P4HB: variants seen among roughly 807,000 people sequenced by gnomAD.
P4HB encodes the protein prolyl 4-hydroxylase subunit beta, also known as protein disulfide-isomerase.
In P4HB, 20 loss-of-function variants were observed where a neutral mutation model predicts 52.6. The observed-to-expected ratio is 0.38, with a 90% CI of 0.27 to 0.55. The LOEUF (loss-of-function observed/expected upper bound fraction) is 0.55. Among genes scored for constraint, P4HB ranks in the 20% least tolerant of loss-of-function variants. The probability of loss-of-function intolerance (pLI) is 0.74; values close to 1 mark genes in which losing one functional copy is unlikely to be tolerated. For synonymous variants in P4HB, 296 were observed against 277.9 expected (o/e 1.07, Z -0.65); for missense variants, 601 against 669.2 (o/e 0.90, Z 1.12).
rs2038752136 is a variant in P4HB, at chr17:81,847,308, T to C, written c.664A>G (p.Lys222Glu). 5.0e-6 allele frequency: 8 copies of C among 1,614,068 alleles called. No homozygotes were observed. In the Admixed American group the frequency reaches 1.3e-4, roughly 27 times the overall value. The change falls in exon 5 of 11, where the codon AAG becomes GAG. Residue 222 changes from lysine (K) to glutamate (E), a missense_variant. Coordinates refer to ENST00000331483, the MANE Select transcript of P4HB (RefSeq NM_000918.4). The part of the protein sequence containing the change: ...GRNNFEGEVT[K>E]ENLLDFIKHN... The stretch of plus-strand genomic sequence containing the variant: ...TTGATAAAGTCCAGCAGGTTCTCCT[T>C]GGTGACCTCCCCTTCAAAGTTGTTC...
In P4HB at chr17:81,860,411, C is replaced by CG; in HGVS notation, c.60dup (p.Glu21ArgfsTer42). 1 of 1,437,254 alleles carries CG rather than the reference C, an allele frequency of 7.0e-7. No homozygotes were observed. Among genetic ancestry groups the CG allele is most frequent in the Non-Finnish European group, 9.2e-7 (1 of 1,092,410 alleles). The allele number at this position is 1,437,254 out of a possible 1,614,324, so 89.0% of individuals were successfully genotyped here. On this transcript the variant is annotated frameshift_variant, in exon 1 of 11. Transcript: ENST00000331483. LOFTEE classifies it high-confidence loss of function. The stretch of plus-strand genomic sequence containing the variant: ...AGCACCAGGACGTGGTCCTCCTCCT[C>CG]GGGGGCGTCGGCGCGCACCAGGGCG...
Position 81,843,864 on chromosome 17 carries a change from G to T in P4HB, c.*148C>A. The T allele has an allele frequency of 1.4e-6, 1 of 700,410 alleles. No homozygotes were observed. Among genetic ancestry groups the T allele is most frequent in the Non-Finnish European group, 2.6e-6 (1 of 386,200 alleles). 43.4% of individuals were successfully genotyped at this position (700,410 alleles called of 1,614,324 possible). ...AGAGACGGGGGTGAACGGACGGTGTGTAGGGGTGAGGTGTCACTTCAGAGA... is the reference window on the plus strand; with the variant it reads ...AGAGACGGGGGTGAACGGACGGTGTTTAGGGGTGAGGTGTCACTTCAGAGA... On this transcript the variant is annotated 3_prime_UTR_variant, in exon 11 of 11. Transcript: ENST00000331483.
In P4HB at chr17:81,855,559, T is replaced by C. The variant is rs1421847347; in HGVS notation, c.380A>G (p.Asn127Ser). ...CGGGCCCGTGCGCTTCTTCAGCCAGTTCACGATGTCATCAGCCTCTCTGCC... is the reference window on the plus strand; with the variant it reads ...CGGGCCCGTGCGCTTCTTCAGCCAGCTCACGATGTCATCAGCCTCTCTGCC... ...TAGREADDIV[N>S]WLKKRTGPAA... The change falls in exon 3 of 11, where the codon AAC becomes AGC. Residue 127 changes from asparagine (N) to serine (S), a missense_variant. Physicochemically the swap from Asn to Ser is conservative, Grantham distance 46. Transcript: ENST00000331483. The surrounding 1 kb of genome is among the most constrained non-coding windows in gnomAD (Gnocchi z 4.3). 1 of 1,613,830 alleles carries C rather than the reference T, an allele frequency of 6.2e-7. No homozygotes were observed. The highest frequency in any genetic ancestry group is 8.5e-7 in the Non-Finnish European group (1 of 1,180,004).
At chr17:81,852,745 G>A (rs1478306739) in intron 4 of P4HB, among the ~76,000 whole-genome samples, 6 of 152,256 alleles carry the variant, frequency 3.9e-5, no homozygotes, top group Non-Finnish European at 8.8e-5. Context: ...TTGCAGGCAA[G>A]AGCAACGAAA....
At chr17:81,847,422 G>A (rs953571872) in intron 4 of P4HB, 75 bp from the exon 5 acceptor site, 19 of 1,300,014 alleles carry the variant, frequency 1.5e-5, no homozygotes, top group East Asian at 1.4e-4. Context: ...CTCCCTGGAC[G>A]TGGGAAGTCA....
intron 4 of P4HB, among the ~76,000 whole-genome samples, chr17:81,850,102 A>T (rs371748766): frequency 6.6e-5 from 10 of 151,516 alleles, no homozygotes; most frequent in Non-Finnish European, 1.5e-5. Flanking sequence ...TGCTGGGATT[A>T]TAAGTGTGAG....
In P4HB at chr17:81,852,612, G is replaced by A. The variant is rs542731752; in HGVS notation, c.624+2530C>T. On this transcript the variant is annotated intron_variant, in intron 4 of 10. Transcript: ENST00000331483. ...AGCCACCTTCAGTGGGCAGGAAAGC[G>A]CCACCCACCAACTGGCATCAAACCC... is the stretch of plus-strand genomic sequence containing the variant. 1.5e-4 allele frequency among the ~76,000 whole-genome samples: 23 copies of A among 152,360 alleles called. No homozygotes were observed. The East Asian group carries it at 4.4e-3, about 29-fold the overall frequency.
chr17:81,854,109 G>A (rs1468888366), intron 4 of P4HB, among the ~76,000 whole-genome samples: 1 of 152,244 alleles, frequency 6.6e-6, no homozygotes, highest in Non-Finnish European at 1.5e-5. Context: ...CCTTGGGGCT[G>A]AGGGGCATAC....
chr17:81,850,222 TC>T (rs1159523279), intron 4 of P4HB, among the ~76,000 whole-genome samples: 1 of 151,484 alleles, frequency 6.6e-6, no homozygotes, highest in Non-Finnish European at 1.5e-5. Context: ...AACCTCTGCC[TC>T]CCGGGTTAAA....
chr17:81,848,531 T>A (rs1019597542), intron 4 of P4HB, among the ~76,000 whole-genome samples: 1 of 151,132 alleles, frequency 6.6e-6, no homozygotes, highest in Non-Finnish European at 1.5e-5. Flanking sequence ...AGACCAGGAG[T>A]TCGAGACCAG....
intron 8 of P4HB, 52 bp downstream of exon 8, chr17:81,845,819 T>C (rs751705426): frequency 7.6e-5 from 123 of 1,613,726 alleles, no homozygotes; most frequent in Non-Finnish European, 1.0e-4. Flanking sequence ...TCTGCCTACC[T>C]TGCGCGTGCC....
intron 1 of P4HB, chr17:81,860,109 C>G (rs950622335): frequency 2.5e-6 from 1 of 404,098 alleles, no homozygotes; most frequent in Non-Finnish European, 4.4e-6. Flanking sequence ...AAGATCCTGC[C>G]GTGCGCAGGG....
At chr17:81,845,531 G>A (rs200297820) in intron 9 of P4HB, 30 bp downstream of exon 9, 37 of 1,552,966 alleles carry the variant, frequency 2.4e-5, no homozygotes, top group Middle Eastern at 1.7e-4. Context: ...CCCAGAGCCC[G>A]CCCCAGCCCC....
Position 81,859,196 on chromosome 17 carries a change from G to T in P4HB, c.337C>A (p.Pro113Thr), listed in dbSNP as rs1354131925. The T allele has an allele frequency of 5.0e-6, 8 of 1,613,724 alleles. No individual in the cohort carries two copies. The highest frequency in any genetic ancestry group is 1.7e-5 in the Admixed American group (1 of 60,004). Residue 113 changes from proline to threonine, a missense_variant, in exon 2 of 11, where the codon CCC becomes ACC. Pro to Thr is a conservative substitution (Grantham distance 38, BLOSUM62 -1). Transcript: ENST00000331483. ...KFFRNGDTAS[P>T]KEYTAGREAD... ...ACAGCCACACCTGTATATTCCTTGG[G>T]GGAAGCCGTGTCTCCATTCCTGAAG...
chr17:81,849,691 G>A (rs1212771744), intron 4 of P4HB, among the ~76,000 whole-genome samples: 1 of 152,198 alleles, frequency 6.6e-6, no homozygotes, highest in Admixed American at 6.5e-5. Context: ...ACCACGAGGG[G>A]TCAGCCTGCA....
chr17:81,845,901 CA>C lies in P4HB; in HGVS notation c.1146del (p.Phe382LeufsTer123), dbSNP rs2038728491. On this transcript the variant is annotated frameshift_variant, in exon 8 of 11. Coordinates refer to ENST00000331483, the MANE Select transcript of P4HB (RefSeq NM_000918.4). LOFTEE classifies it high-confidence loss of function. ...TCCACAAAGACGTTTTTTTTCTCAT[CA>C]AAAGCCACGTCTTCAAAGTTCTTCC... ...LVGKNFEDVAFDEKKNVFVEF... is the reference protein window; with the variant it reads ...LVGKNFEDVAXDEKKNVFVEF... The C allele has an allele frequency of 6.2e-7, 1 of 1,613,662 alleles. No individual in the cohort carries two copies. Among genetic ancestry groups the C allele is most frequent in the African/African-American group, 1.3e-5 (1 of 74,910 alleles).
At chr17:81,857,549 A>G (rs763787636) in intron 2 of P4HB, among the ~76,000 whole-genome samples, 54 of 152,348 alleles carry the variant, frequency 3.5e-4, no homozygotes, top group Admixed American at 1.2e-3. Context: ...AGAGGTGGAC[A>G]GTAACTCAAA....
chr17:81,858,405 G>T (rs1339832263), intron 2 of P4HB, among the ~76,000 whole-genome samples: 1 of 151,156 alleles, frequency 6.6e-6, no homozygotes, highest in Admixed American at 6.6e-5. Context: ...AGGCAACCAC[G>T]GAGTTGCTGC....
chr17:81,859,514 C>T (rs2038964189), intron 1 of P4HB, 127 bp from the exon 2 acceptor site: 2 of 778,292 alleles, frequency 2.6e-6, no homozygotes, highest in South Asian at 1.7e-5. Context: ...ACCAAGATAA[C>T]CCCTCCTAAC....
Sources: allele counts gnomAD v4.1 joint callset (sites outside exome capture counted in the v4.1 genomes callset), GRCh38; gene constraint gnomAD v4.1.1; non-coding constraint Gnocchi (gnomAD v3.1); transcripts MANE v1.5; gene names NCBI Gene and HGNC (gene_info 2026-07-23, HGNC 2026-07-21).